The following MED9 variants were observed in gnomAD, a reference collection of about 807,000 sequenced individuals.
MED9 encodes mediator of RNA polymerase II transcription subunit 9.
In MED9, 8 loss-of-function variants were observed where a neutral mutation model predicts 13.2. That is an observed-to-expected ratio of 0.61 (90% CI 0.36 to 1.10). MED9 has a LOEUF of 1.10. Ranked by LOEUF, MED9 falls within the 50% of genes least tolerant of loss-of-function variation. MED9 has a pLI of 0.02. For missense variants in MED9, 180 were observed against 193.4 expected (o/e 0.93, Z 0.41); for synonymous variants, 87 against 82.8 (o/e 1.05, Z -0.28).
chr17:17,481,885 A>C (rs1567635744), intron 1 of MED9, among the ~76,000 whole-genome samples: 1 of 152,210 alleles, frequency 6.6e-6, no homozygotes, highest in Non-Finnish European at 1.5e-5. Flanking sequence ...ACGTCTTTTT[A>C]GCTAACTCTT....
chr17:17,489,111 T>G (rs1248050578), intron 1 of MED9, among the ~76,000 whole-genome samples: 2 of 152,240 alleles, frequency 1.3e-5, no homozygotes, highest in Non-Finnish European at 2.9e-5. Context: ...GCATGTTCTC[T>G]TCACTCCAGG....
At chr17:17,479,699 G>A (rs1904996197) in intron 1 of MED9, among the ~76,000 whole-genome samples, 1 of 152,180 alleles carries the variant, frequency 6.6e-6, no homozygotes, top group African/African-American at 2.4e-5. Flanking sequence ...ATGGTGGTGT[G>A]TGCCTGCAGT....
chr17:17,490,112 C>G (rs892142649), intron 1 of MED9, among the ~76,000 whole-genome samples: 2 of 152,180 alleles, frequency 1.3e-5, no homozygotes, highest in African/African-American at 4.8e-5. Context: ...CACTTGTTTT[C>G]AAAAGCTCAT....
rs1254963350 is a variant in MED9, at chr17:17,483,521, T to C, written c.224+6256T>C. 6.6e-6 allele frequency among the ~76,000 whole-genome samples: 1 copy of C among 152,226 alleles called. No homozygotes were observed. Among genetic ancestry groups the C allele is most frequent in the East Asian group, 1.9e-4 (1 of 5,204 alleles). ...GTACCCCCAGGGACCCACCTGGTTC[T>C]GGGAGTGCTCTGGCTGGGACAGCCC... On this transcript the variant is annotated intron_variant, in intron 1 of 1. Coordinates refer to ENST00000268711, the MANE Select transcript of MED9 (RefSeq NM_018019.3). This position sits in a 1 kb window ranked among gnomAD's most constrained non-coding sequence, Gnocchi z 4.2.
intron 1 of MED9, chr17:17,477,472 T>A: frequency 1.7e-6 from 1 of 572,522 alleles, no homozygotes; most frequent in Admixed American, 3.5e-5. Context: ...AGAGGTGCGA[T>A]ATCCTTAAGA....
In MED9 at chr17:17,483,908, G is replaced by C. The variant is rs188119854; in HGVS notation, c.224+6643G>C. ...GCCACGATCGCACCATTGCACTCCA[G>C]CCTGGCGACAGAGCGAGACTCCATC... On this transcript the variant is annotated intron_variant, in intron 1 of 1. Transcript: ENST00000268711. This position sits in a 1 kb window ranked among gnomAD's most constrained non-coding sequence, Gnocchi z 4.2. Among the ~76,000 whole-genome samples the C allele has an allele frequency of 6.7e-4, 101 of 150,648 alleles. No individual in the cohort carries two copies. Among genetic ancestry groups the C allele is most frequent in the African/African-American group, 2.2e-3 (91 of 40,904 alleles).
intron 1 of MED9, chr17:17,486,263 GC>G (rs1905125926): frequency 6.5e-6 from 1 of 153,448 alleles, no homozygotes. Flanking sequence ...CACTTGAGGA[GC>G]CCTTCAGCCC....
At chr17:17,482,003 C>T (rs1905040620) in intron 1 of MED9, among the ~76,000 whole-genome samples, 1 of 152,204 alleles carries the variant, frequency 6.6e-6, no homozygotes, top group Admixed American at 6.5e-5. Context: ...TAGACGGATT[C>T]TACAAGTACC....
chr17:17,488,622 T>A lies in MED9; in HGVS notation c.225-2657T>A, dbSNP rs150293828. 1.2e-3 allele frequency among the ~76,000 whole-genome samples: 181 copies of A among 152,222 alleles called. 5 individuals carry two copies. The East Asian group carries it at 0.03, about 25-fold the overall frequency. On this transcript the variant is annotated intron_variant, in intron 1 of 1. Coordinates refer to ENST00000268711, the MANE Select transcript of MED9 (RefSeq NM_018019.3). ...GTTGAGGTGGGCGGATCACCTGAGG[T>A]CGGGAGTTCGAGACCAGCCTGGCCA...
intron 1 of MED9, among the ~76,000 whole-genome samples, chr17:17,484,127 A>G (rs1905080314): frequency 6.6e-6 from 1 of 152,242 alleles, no homozygotes; most frequent in Non-Finnish European, 1.5e-5. Flanking sequence ...CAAACTTAAC[A>G]AATTTGAATC....
In MED9 at chr17:17,477,305, A is replaced by G. The variant is rs747983737; in HGVS notation, c.224+40A>G. On this transcript the variant is annotated intron_variant, in intron 1 of 1. Coordinates refer to ENST00000268711, the MANE Select transcript of MED9 (RefSeq NM_018019.3). ...GAGGACCAGGCCCCATACTCCCTCC[A>G]GCTTCTCCTCTCAGCCGTTTCAGAG... The G allele has an allele frequency of 1.2e-5, 18 of 1,524,494 alleles. No individual in the cohort carries two copies. In the African/African-American group the frequency reaches 2.5e-4, roughly 21 times the overall value. 94.4% of individuals were successfully genotyped at this position (1,524,494 alleles called of 1,614,324 possible). A position where few individuals can be genotyped will look rare whatever the true frequency, so the allele number is the denominator to read the frequency against.
rs1302260932 is a variant in MED9, at chr17:17,491,395, A to G, written c.341A>G (p.Gln114Arg). 5 of 1,613,912 alleles carry G rather than the reference A, an allele frequency of 3.1e-6. No homozygotes were observed. The highest frequency in any genetic ancestry group is 1.3e-5 in the African/African-American group (1 of 74,948). ...GGCATCCACCTGAGCCCCGAACAGC[A>G]GCAGCAGCAGCTGCAGAGCCTCCGG... The part of the protein sequence containing the change: ...MPGIHLSPEQ[Q>R]QQQLQSLREQ... Residue 114 changes from glutamine (Q) to arginine (R), a missense_variant, in exon 2 of 2, where the codon CAG becomes CGG. By Grantham distance (43) the Gln-to-Arg change is conservative. Transcript: ENST00000268711.
At chr17:17,490,905 G>C (rs1055046682) in intron 1 of MED9, among the ~76,000 whole-genome samples, 1 of 152,218 alleles carries the variant, frequency 6.6e-6, no homozygotes, top group Non-Finnish European at 1.5e-5. Flanking sequence ...GAGCTTATTT[G>C]CTAAGCATTC....
chr17:17,485,585 G>T (rs555350010), intron 1 of MED9: 1 of 362,644 alleles, frequency 2.8e-6, no homozygotes, highest in East Asian at 4.0e-5. Flanking sequence ...GGGTCCTAGC[G>T]TGGCCAGTAG....
At chr17:17,491,047 GTGTC>G (rs1339487920) in intron 1 of MED9, among the ~76,000 whole-genome samples, 1 of 152,346 alleles carries the variant, frequency 6.6e-6, no homozygotes, top group African/African-American at 2.4e-5. Context: ...AAGATCAAGA[GTGTC>G]TGTGTGTGAT....
At chr17:17,485,636 G>A (rs1905115767) in intron 1 of MED9, 1 of 293,908 alleles carries the variant, frequency 3.4e-6, no homozygotes, top group Non-Finnish European at 6.2e-6. Context: ...GTCCCCTGCT[G>A]ACAGCAAGTC....
chr17:17,490,067 A>G (rs1373535599), intron 1 of MED9, among the ~76,000 whole-genome samples: 1 of 152,256 alleles, frequency 6.6e-6, no homozygotes, highest in Non-Finnish European at 1.5e-5. Flanking sequence ...CTTTCAGAAC[A>G]GCTTACTGAA....
In MED9 at chr17:17,477,015, A is replaced by G. The variant is rs1904930934; in HGVS notation, c.-27A>G. The G allele has an allele frequency of 6.2e-7, 1 of 1,601,822 alleles. No individual in the cohort carries two copies. Among genetic ancestry groups the G allele is most frequent in the Non-Finnish European group, 8.5e-7 (1 of 1,179,374 alleles). On this transcript the variant is annotated 5_prime_UTR_variant, in exon 1 of 2. Transcript: ENST00000268711. Reference sequence around the variant, plus strand: ...AGTGCGCGACGCTTTTGGCGACCCGACCTCTGGCTAACCTACCCCCGGAGC... The same window carrying G: ...AGTGCGCGACGCTTTTGGCGACCCGGCCTCTGGCTAACCTACCCCCGGAGC...
Position 17,477,096 on chromosome 17 carries a change from A to G in MED9, c.55A>G (p.Thr19Ala), listed in dbSNP as rs776202685. The G allele has an allele frequency of 9.5e-5, 152 of 1,606,868 alleles. No homozygotes were observed. Among genetic ancestry groups the G allele is most frequent in the Non-Finnish European group, 1.2e-4 (143 of 1,179,260 alleles). The change falls in exon 1 of 2, where the codon ACG (threonine) becomes GCG (alanine). Residue 19 changes from threonine (T) to alanine (A), a missense_variant. By Grantham distance (58) the Thr-to-Ala change is moderately conservative. Transcript: ENST00000268711. The stretch of plus-strand genomic sequence containing the variant: ...ACAGGCGGAGGATGTATTGCCGCCA[A>G]CGTCCGACCAGCCGCTGCCTGACAC... ...GRQAEDVLPP[T>A]SDQPLPDTKP...
Sources: gnomAD v4.1 joint callset for allele counts (sites outside exome capture counted in the v4.1 genomes callset) on GRCh38, gnomAD v4.1.1 for gene constraint, Gnocchi (gnomAD v3.1) non-coding constraint, MANE v1.5 for transcripts, NCBI Gene and HGNC (gene_info 2026-07-23, HGNC 2026-07-21) for gene names.